The following CALD1 variants were observed in gnomAD, a reference collection of about 807,000 sequenced individuals.
The protein encoded by CALD1 is caldesmon 1.
In CALD1, 33 loss-of-function variants were observed where a neutral mutation model predicts 99.9. The ratio of observed to expected loss-of-function variants is 0.33; its 90% CI spans 0.25 to 0.44. CALD1 has a LOEUF of 0.44. CALD1 is among the 20% of genes least tolerant of loss of function. CALD1 has a pLI of 1.00. For missense variants in CALD1, 861 were observed against 962.1 expected (o/e 0.89, Z 1.39); for synonymous variants, 310 against 325.0 (o/e 0.95, Z 0.50).
chr7:134,921,427 T>C (rs187714063), intron 3 of CALD1, among the ~76,000 whole-genome samples: 116 of 152,364 alleles, frequency 7.6e-4, no homozygotes, highest in African/African-American at 2.7e-3. Flanking sequence ...TTACATCTTT[T>C]CTCTAATCTT....
chr7:134,792,744 G>T (rs1797590324), intron 1 of CALD1, among the ~76,000 whole-genome samples: 1 of 152,100 alleles, frequency 6.6e-6, no homozygotes, highest in Non-Finnish European at 1.5e-5. Flanking sequence ...TGAATACTCG[G>T]GGGAGATACA....
chr7:134,960,093 A>G lies in CALD1; in HGVS notation c.2181A>G (p.Ala727=). ...GGAATGTGTTTTCATCCCCCACTGCAGCAGGCACACCAAATAAGGTGAGCA... is the reference window on the plus strand; with the variant it reads ...GGAATGTGTTTTCATCCCCCACTGCGGCAGGCACACCAAATAAGGTGAGCA... ...EKGNVFSSPT[A]AGTPNKETAG... The change falls in exon 12 of 15, where the codon GCA becomes GCG. Residue 727 remains alanine, a synonymous_variant. Coordinates refer to ENST00000361675, the MANE Select transcript of CALD1 (RefSeq NM_033138.4). The G allele has an allele frequency of 6.2e-7, 1 of 1,614,210 alleles. No individual in the cohort carries two copies. The highest frequency in any genetic ancestry group is 8.5e-7 in the Non-Finnish European group (1 of 1,180,022).
intron 1 of CALD1, among the ~76,000 whole-genome samples, chr7:134,753,384 G>A (rs142608432): frequency 7.2e-5 from 11 of 152,268 alleles, no homozygotes; most frequent in African/African-American, 2.6e-4. Context: ...GATTCTCTAC[G>A]CTTTGTATGC....
At chr7:134,848,118 C>T (rs1321235714) in intron 2 of CALD1, among the ~76,000 whole-genome samples, 1 of 151,316 alleles carries the variant, frequency 6.6e-6, no homozygotes, top group Non-Finnish European at 1.5e-5. Flanking sequence ...AGCCCTAAGA[C>T]ATTTTCCTTC....
At chr7:134,939,094 C>T (rs1806226350) in intron 6 of CALD1, among the ~76,000 whole-genome samples, 1 of 152,162 alleles carries the variant, frequency 6.6e-6, no homozygotes, top group Non-Finnish European at 1.5e-5. Context: ...AAACTCCAGT[C>T]CATGGTTTCT....
intron 3 of CALD1, chr7:134,920,470 G>A: frequency 9.3e-7 from 1 of 1,073,888 alleles, no homozygotes; most frequent in South Asian, 2.2e-5. Context: ...AATTGACTAA[G>A]AAGTCATCCT....
intron 6 of CALD1, among the ~76,000 whole-genome samples, chr7:134,937,948 T>A (rs998417705): frequency 2.0e-5 from 3 of 152,228 alleles, no homozygotes; most frequent in Non-Finnish European, 2.9e-5. Context: ...TTTCTTTCTT[T>A]TCTGGCCTCT....
intron 1 of CALD1, among the ~76,000 whole-genome samples, chr7:134,811,312 T>C (rs1487204872): frequency 1.3e-5 from 2 of 152,074 alleles, no homozygotes; most frequent in East Asian, 3.8e-4. Context: ...CACTAGGGAG[T>C]CTTCACTGGG....
intron 3 of CALD1, among the ~76,000 whole-genome samples, chr7:134,869,348 G>C (rs1258330098): frequency 6.6e-6 from 1 of 152,188 alleles, no homozygotes; most frequent in Non-Finnish European, 1.5e-5. Context: ...ACAAGGAATA[G>C]ACAGAGACTT....
At chr7:134,857,167 T>C (rs1253852544) in intron 2 of CALD1, among the ~76,000 whole-genome samples, 2 of 102,288 alleles carry the variant, frequency 2.0e-5, no homozygotes, top group Admixed American at 8.6e-5. Context: ...TCTTTTTTTT[T>C]TTTTTTTTTT....
At chr7:134,962,789 A>G in intron 13 of CALD1, 1 of 439,708 alleles carries the variant, frequency 2.3e-6, no homozygotes, top group South Asian at 1.6e-5. Context: ...CTTTTTGTTT[A>G]AAAAAAAACA....
intron 3 of CALD1, among the ~76,000 whole-genome samples, 194 bp from the exon 4 acceptor site, chr7:134,928,560 T>C (rs3735043): frequency 0.47 from 71,059 of 151,948 alleles, 17,200 homozygotes; most frequent in East Asian, 0.87. Context: ...TGGATTCATG[T>C]TTTTCAAATA....
intron 1 of CALD1, among the ~76,000 whole-genome samples, chr7:134,820,776 T>A (rs1461812733): frequency 2.6e-5 from 4 of 152,154 alleles, no homozygotes; most frequent in Admixed American, 6.6e-5. Flanking sequence ...CTAGGGGACA[T>A]GGTGGGTAGC....
chr7:134,785,648 G>T (rs1418464082), intron 1 of CALD1, among the ~76,000 whole-genome samples: 1 of 152,146 alleles, frequency 6.6e-6, no homozygotes, highest in African/African-American at 2.4e-5. Context: ...GGGAACTTGT[G>T]CTCTGTTCTG....
chr7:134,760,312 G>C (rs1168529480), intron 1 of CALD1, among the ~76,000 whole-genome samples: 4 of 152,224 alleles, frequency 2.6e-5, no homozygotes, highest in African/African-American at 7.2e-5. Context: ...GGTGGGGTTT[G>C]GGGATGGAGA....
chr7:134,741,651 T>C (rs181497214), upstream of CALD1, among the ~76,000 whole-genome samples: 35 of 152,276 alleles, frequency 2.3e-4, no homozygotes, highest in East Asian at 6.4e-3. Context: ...TATAGATCCA[T>C]GAGGTTTTGA....
At chr7:134,893,995 G>A (rs912434666) in intron 3 of CALD1, among the ~76,000 whole-genome samples, 4 of 152,316 alleles carry the variant, frequency 2.6e-5, no homozygotes, top group African/African-American at 7.2e-5. Context: ...TGCATTTTAC[G>A]TATGATAACA....
At chr7:134,775,154 C>G (rs955381858), upstream of CALD1, among the ~76,000 whole-genome samples, 1 of 151,994 alleles carries the variant, frequency 6.6e-6, no homozygotes, top group African/African-American at 2.4e-5. Context: ...TGATTGTAAC[C>G]CTGCCATTAA....
At chr7:134,965,238 T>C in intron 13 of CALD1, 68 bp from the exon 14 acceptor site, 1 of 802,976 alleles carries the variant, frequency 1.2e-6, no homozygotes. Context: ...GATGTGGCCA[T>C]TTATTTAGAG....
Sources: allele counts gnomAD v4.1 joint callset (sites outside exome capture counted in the v4.1 genomes callset), GRCh38; gene constraint gnomAD v4.1.1; transcripts MANE v1.5; gene names NCBI Gene and HGNC (gene_info 2026-07-23, HGNC 2026-07-21).